Variants in MINDY2 observed in about 807,000 individuals in gnomAD.
MINDY2 encodes the protein MINDY lysine 48 deubiquitinase 2.
A neutral mutation model predicts 68.2 loss-of-function variants in MINDY2; 52 were observed. The observed-to-expected ratio is 0.76, with a 90% CI of 0.61 to 0.96. The LOEUF (loss-of-function observed/expected upper bound fraction) is 0.96. Among genes scored for constraint, MINDY2 ranks in the 40% least tolerant of loss-of-function variants. The pLI is 0.00. For missense variants in MINDY2, 881 were observed against 773.4 expected (o/e 1.14, Z -1.65); for synonymous variants, 372 against 303.0 (o/e 1.23, Z -2.36).
chr15:58,847,538 C>T (rs1358069949), intron 7 of MINDY2, 68 bp downstream of exon 7: 2 of 1,361,686 alleles, frequency 1.5e-6, no homozygotes, highest in East Asian at 4.7e-5. Flanking sequence ...ATTCATGTAT[C>T]CAAAATTTTT....
At chr15:58,835,748 GA>G (rs1208478130) in intron 6 of MINDY2, among the ~76,000 whole-genome samples, 1 of 152,146 alleles carries the variant, frequency 6.6e-6, no homozygotes, top group Non-Finnish European at 1.5e-5. Flanking sequence ...TAACTTAGCA[GA>G]TAGAACATGT....
rs548875415 is a variant in MINDY2, at chr15:58,831,708, A to G, written c.1226-66A>G. 1.7e-5 allele frequency: 25 copies of G among 1,444,570 alleles called. No individual in the cohort carries two copies. The South Asian group carries it at 1.9e-4, about 11-fold the overall frequency. 89.5% of individuals were successfully genotyped at this position (1,444,570 alleles called of 1,614,324 possible). On this transcript the variant is annotated intron_variant, in intron 5 of 8. Transcript: ENST00000559228. Reference sequence around the variant, plus strand: ...TCCATACTTGGAACACACTTTAAATAGAAAAAGAATAACTTTTTGATTTTG... The same window carrying G: ...TCCATACTTGGAACACACTTTAAATGGAAAAAGAATAACTTTTTGATTTTG...
At chr15:58,822,557 A>C (rs2031131119) in intron 5 of MINDY2, among the ~76,000 whole-genome samples, 1 of 152,200 alleles carries the variant, frequency 6.6e-6, no homozygotes, top group Non-Finnish European at 1.5e-5. Flanking sequence ...TTTATATTTC[A>C]GTATAATACA....
chr15:58,790,017 G>A (rs566898711), intron 2 of MINDY2, among the ~76,000 whole-genome samples: 38 of 152,176 alleles, frequency 2.5e-4, no homozygotes, highest in African/African-American at 5.5e-4. Context: ...GGGCTCAAGC[G>A]ATCCTCCCAC....
chr15:58,811,809 A>G (rs543496038), intron 4 of MINDY2, among the ~76,000 whole-genome samples: 4 of 152,330 alleles, frequency 2.6e-5, no homozygotes, highest in African/African-American at 9.6e-5. Context: ...TGGAGAGTCA[A>G]TTGGAAGGGT....
At chr15:58,794,945 T>C (rs1567046055) in intron 2 of MINDY2, among the ~76,000 whole-genome samples, 1 of 151,952 alleles carries the variant, frequency 6.6e-6, no homozygotes, top group Non-Finnish European at 1.5e-5. Context: ...CTCAGTACTT[T>C]GGGAGGCCGA....
chr15:58,772,215 G>T lies in MINDY2; in HGVS notation c.820G>T (p.Val274Phe), dbSNP rs759880630. ...CTGCCCCTTGCTGGCCATCCTCAAT[G>T]TTTTGCTCCTGGCCTGGAAGGTACA... The part of the protein sequence containing the change: ...GPCPLLAILN[V>F]LLLAWKVKLP... The change falls in exon 1 of 9, where the codon GTT becomes TTT. Residue 274 changes from valine (V) to phenylalanine (F), a missense_variant. Transcript: ENST00000559228. The T allele has an allele frequency of 1.1e-5, 17 of 1,612,202 alleles. No homozygotes were observed. Among genetic ancestry groups the T allele is most frequent in the Non-Finnish European group, 1.4e-5 (17 of 1,180,016 alleles).
chr15:58,846,188 T>G (rs2032525430), intron 6 of MINDY2, among the ~76,000 whole-genome samples: 1 of 152,146 alleles, frequency 6.6e-6, no homozygotes, highest in Non-Finnish European at 1.5e-5. Flanking sequence ...TTGTACATTT[T>G]AAAATAACTA....
intron 8 of MINDY2, among the ~76,000 whole-genome samples, chr15:58,852,914 C>T (rs1200569154): frequency 7.7e-5 from 8 of 103,708 alleles, no homozygotes; most frequent in Non-Finnish European, 1.4e-4. Flanking sequence ...TGCCAGACTG[C>T]TGTTCCTGTT....
chr15:58,803,785 C>T (rs1238368122), intron 3 of MINDY2, among the ~76,000 whole-genome samples: 1 of 151,706 alleles, frequency 6.6e-6, no homozygotes, highest in Non-Finnish European at 1.5e-5. Context: ...CACTACACTC[C>T]GTCCTGGGCA....
chr15:58,806,444 A>C (rs536452947), intron 3 of MINDY2, among the ~76,000 whole-genome samples: 1 of 150,942 alleles, frequency 6.6e-6, no homozygotes, highest in East Asian at 2.0e-4. Context: ...TGCAGCCTCA[A>C]ACTCCTGGGC....
At chr15:58,809,249 C>A (rs182679495) in intron 3 of MINDY2, among the ~76,000 whole-genome samples, 1 of 152,078 alleles carries the variant, frequency 6.6e-6, no homozygotes, top group African/African-American at 2.4e-5. Flanking sequence ...CCCCAGTCCC[C>A]TGGAAACAAC....
At chr15:58,774,098 A>T (rs1439494977) in intron 1 of MINDY2, among the ~76,000 whole-genome samples, 1 of 152,180 alleles carries the variant, frequency 6.6e-6, no homozygotes. Context: ...GTATTTGGGG[A>T]TAGATGCATA....
At chr15:58,775,313 G>A (rs1368528409) in intron 1 of MINDY2, among the ~76,000 whole-genome samples, 1 of 152,144 alleles carries the variant, frequency 6.6e-6, no homozygotes, top group Non-Finnish European at 1.5e-5. Flanking sequence ...ACTGTAAAGG[G>A]CTCTGGGAAC....
At chr15:58,832,989 A>AT (rs1194362659) in intron 6 of MINDY2, among the ~76,000 whole-genome samples, 2 of 152,324 alleles carry the variant, frequency 1.3e-5, no homozygotes, top group South Asian at 2.1e-4. Context: ...TTCTTTAATA[A>AT]TGTGTGGCTT....
At chr15:58,834,044 G>A (rs1595764649) in intron 6 of MINDY2, among the ~76,000 whole-genome samples, 1 of 152,180 alleles carries the variant, frequency 6.6e-6, no homozygotes, top group African/African-American at 2.4e-5. Flanking sequence ...TTAGGGAGTG[G>A]TGATGACTCT....
At chr15:58,804,910 T>G (rs1168264081) in intron 3 of MINDY2, among the ~76,000 whole-genome samples, 10 of 152,304 alleles carry the variant, frequency 6.6e-5, no homozygotes, top group African/African-American at 2.4e-4. Context: ...GGAGGATTAC[T>G]TGAGCCTAGG....
intron 1 of MINDY2, among the ~76,000 whole-genome samples, chr15:58,776,991 C>T (rs112037045): frequency 0.023 from 3,497 of 152,184 alleles, 44 homozygotes; most frequent in Middle Eastern, 0.044. Context: ...GATTGTAAAG[C>T]ATTTGACCCG....
chr15:58,786,345 A>G (rs1595708146), intron 1 of MINDY2, among the ~76,000 whole-genome samples: 1 of 152,356 alleles, frequency 6.6e-6, no homozygotes, highest in Middle Eastern at 3.4e-3. Flanking sequence ...TATCACTGAT[A>G]TAGTAATTAC....
Sources: gnomAD v4.1 joint callset for allele counts (sites outside exome capture counted in the v4.1 genomes callset) on GRCh38, gnomAD v4.1.1 for gene constraint, MANE v1.5 for transcripts, NCBI Gene and HGNC (gene_info 2026-07-23, HGNC 2026-07-21) for gene names.